MARCHF1: variants seen among roughly 807,000 people sequenced by gnomAD.
MARCHF1 encodes E3 ubiquitin-protein ligase MARCHF1.
MARCHF1 carries 40 observed loss-of-function variants against 54.2 expected under a neutral mutation model. The ratio of observed to expected loss-of-function variants is 0.74; its 90% CI spans 0.57 to 0.96. The LOEUF (loss-of-function observed/expected upper bound fraction) is 0.96. MARCHF1 is among the 40% of genes least tolerant of loss of function. MARCHF1 has a pLI of 0.00. For synonymous variants in MARCHF1, 236 were observed against 236.3 expected (o/e 1.00, Z 0.01); for missense variants, 586 against 656.5 (o/e 0.89, Z 1.17).
chr4:164,141,601 A>G (rs1410290377), intron 1 of MARCHF1, among the ~76,000 whole-genome samples: 1 of 152,228 alleles, frequency 6.6e-6, no homozygotes, highest in Non-Finnish European at 1.5e-5. Context: ...ACAAGTCGCA[A>G]CATAGAGCCC....
chr4:163,574,385 T>C (rs1285930179), intron 8 of MARCHF1, among the ~76,000 whole-genome samples: 1 of 152,036 alleles, frequency 6.6e-6, no homozygotes, highest in Non-Finnish European at 1.5e-5. Context: ...ATGAAGTCCT[T>C]GCCCGTGCCT....
chr4:164,357,552 G>C (rs539781902), intron 1 of MARCHF1, among the ~76,000 whole-genome samples: 1 of 152,226 alleles, frequency 6.6e-6, no homozygotes, highest in African/African-American at 2.4e-5. Flanking sequence ...TGAAGGTTTT[G>C]AATTAGGAGG....
At chr4:163,774,528 C>T (rs2201373) in intron 4 of MARCHF1, among the ~76,000 whole-genome samples, 114,265 of 146,618 alleles carry the variant, frequency 0.78, 45,774 homozygotes, top group Non-Finnish European at 0.88. Context: ...GACAGAGTCT[C>T]ACTCTGTTGC....
At chr4:164,040,951 CATATTTTAGTGAA>C (rs937229160) in intron 2 of MARCHF1, among the ~76,000 whole-genome samples, 7 of 152,016 alleles carry the variant, frequency 4.6e-5, no homozygotes, top group African/African-American at 1.7e-4. Flanking sequence ...AAACTGTGTG[CATATTTTAGTGAA>C]ATATATGTTC....
intron 1 of MARCHF1, among the ~76,000 whole-genome samples, chr4:164,284,361 A>C (rs977318757): frequency 6.7e-6 from 1 of 149,926 alleles, no homozygotes; most frequent in Non-Finnish European, 1.5e-5. Flanking sequence ...AGAGAGAGAG[A>C]GCAAGAACAA....
chr4:164,116,921 A>G (rs1023703), intron 1 of MARCHF1, among the ~76,000 whole-genome samples: 25,299 of 152,070 alleles, frequency 0.17, 2,636 homozygotes, highest in East Asian at 0.49. Flanking sequence ...CTTTTATACA[A>G]AGTTAAAATC....
chr4:163,826,546 T>C (rs1323825831), intron 4 of MARCHF1, among the ~76,000 whole-genome samples: 1 of 152,060 alleles, frequency 6.6e-6, no homozygotes. Flanking sequence ...TAGTAAATAT[T>C]TATTGAGGCT....
intron 1 of MARCHF1, among the ~76,000 whole-genome samples, chr4:164,112,554 T>C (rs1173737605): frequency 5.3e-5 from 8 of 151,918 alleles, no homozygotes. Context: ...CATTTTCATA[T>C]CAGAGTTGTA....
chr4:163,831,747 A>T (rs532339130), intron 4 of MARCHF1, among the ~76,000 whole-genome samples: 1 of 152,360 alleles, frequency 6.6e-6, no homozygotes, highest in East Asian at 1.9e-4. Context: ...TTGGAAGATA[A>T]TAGAAATGGG....
At chr4:164,368,951 G>C (rs1260937658) in intron 1 of MARCHF1, among the ~76,000 whole-genome samples, 1 of 152,196 alleles carries the variant, frequency 6.6e-6, no homozygotes, top group African/African-American at 2.4e-5. Flanking sequence ...GGAAACTTTA[G>C]AAAGAACAGG....
chr4:163,684,195 G>A (rs1744197970), intron 5 of MARCHF1, among the ~76,000 whole-genome samples: 1 of 152,158 alleles, frequency 6.6e-6, no homozygotes, highest in Admixed American at 6.5e-5. Flanking sequence ...TCAAGGAGAA[G>A]GGAACATAGG....
chr4:163,585,957 A>T, intron 7 of MARCHF1, 28 bp from the exon 8 acceptor site: 2 of 1,569,710 alleles, frequency 1.3e-6, no homozygotes, highest in Non-Finnish European at 1.7e-6. Context: ...AGCCAGTATG[A>T]GATCTCCCAG....
At chr4:164,354,026 A>G (rs1268433108) in intron 1 of MARCHF1, among the ~76,000 whole-genome samples, 1 of 98,588 alleles carries the variant, frequency 1.0e-5, no homozygotes, top group Non-Finnish European at 2.2e-5. Flanking sequence ...AAATGGATAC[A>G]TTCCTCGACA....
chr4:164,027,707 A>T (rs1229516105), intron 2 of MARCHF1, among the ~76,000 whole-genome samples: 4 of 152,128 alleles, frequency 2.6e-5, no homozygotes, highest in African/African-American at 7.2e-5. Context: ...ATGTTTGGCT[A>T]AGTTCCCAAA....
chr4:164,199,598 T>C (rs1175990483), intron 1 of MARCHF1, among the ~76,000 whole-genome samples: 1 of 138,200 alleles, frequency 7.2e-6, no homozygotes, highest in Non-Finnish European at 1.5e-5. Flanking sequence ...ATCACTCCAC[T>C]ACACTCCAGC....
chr4:163,987,125 A>G (rs559202947), intron 3 of MARCHF1, among the ~76,000 whole-genome samples: 19 of 152,206 alleles, frequency 1.2e-4, no homozygotes, highest in Non-Finnish European at 2.4e-4. Flanking sequence ...AACAAACTTA[A>G]GAGAAACCTG....
chr4:163,546,002 TCTCA>T (rs1329417408), intron 8 of MARCHF1, among the ~76,000 whole-genome samples: 21 of 151,832 alleles, frequency 1.4e-4, no homozygotes, highest in African/African-American at 4.8e-4. Context: ...TGAGACAGGG[TCTCA>T]CTCTGTCGCC....
intron 4 of MARCHF1, among the ~76,000 whole-genome samples, chr4:163,707,118 T>A (rs184444223): frequency 6.6e-5 from 10 of 152,206 alleles, no homozygotes; most frequent in African/African-American, 2.4e-4. Flanking sequence ...GTCTTAAATG[T>A]TAAAGATTAA....
intron 9 of MARCHF1, among the ~76,000 whole-genome samples, chr4:163,535,600 GA>G (rs1387806591): frequency 6.6e-5 from 10 of 152,142 alleles, no homozygotes; most frequent in Admixed American, 6.6e-4. Context: ...AATAGTCCCA[GA>G]TAAGTGGCAG....
Sources: allele counts gnomAD v4.1 joint callset (sites outside exome capture counted in the v4.1 genomes callset), GRCh38; gene constraint gnomAD v4.1.1; transcripts MANE v1.5; gene names NCBI Gene and HGNC (gene_info 2026-07-23, HGNC 2026-07-21).